CCNB3: variants seen among roughly 807,000 people sequenced by gnomAD.
CCNB3 encodes the protein cyclin B3, also known as G2/mitotic-specific cyclin-B3.
Under a neutral mutation model 68.0 loss-of-function variants are expected in CCNB3, and 12 were observed. That is an observed-to-expected ratio of 0.18 (90% CI 0.11 to 0.29). The LOEUF (loss-of-function observed/expected upper bound fraction) is 0.29, where lower values mean the gene tolerates loss of function less well. CCNB3 is among the 10% of genes least tolerant of loss of function. The probability of loss-of-function intolerance (pLI) is 1.00; values close to 1 mark genes in which losing one functional copy is unlikely to be tolerated. For missense variants in CCNB3, 904 were observed against 993.1 expected (o/e 0.91, Z 1.21); for synonymous variants, 354 against 388.9 (o/e 0.91, Z 1.06).
intron 8 of CCNB3, among the ~76,000 whole-genome samples, chrX:50,332,477 T>TA (rs1922645113): frequency 8.9e-6 from 1 of 111,993 alleles, no homozygotes; most frequent in African/African-American, 3.2e-5. Context: ...TGGAGGTTTT[T>TA]ACTATACAAG....
intron 8 of CCNB3, among the ~76,000 whole-genome samples, chrX:50,329,359 A>C (rs1457258853): frequency 8.9e-6 from 1 of 112,598 alleles, no homozygotes; most frequent in African/African-American, 3.2e-5. Flanking sequence ...TTTTCCATAC[A>C]TCCTCTGAAA....
chrX:50,327,256 T>C (rs1014642668), intron 8 of CCNB3, among the ~76,000 whole-genome samples: 1 of 112,048 alleles, frequency 8.9e-6, no homozygotes, highest in Admixed American at 9.5e-5. Flanking sequence ...GGAAGTCAAG[T>C]TATTTGTTCT....
Position 50,285,247 on chromosome X carries a change from C to T in CCNB3, c.84C>T (p.Asp28=). Residue 28 remains aspartate (D), a synonymous_variant, in exon 3 of 13, where the codon GAC becomes GAT. Transcript: ENST00000376042. ...GCAAAATTGTGCCCAGTCATCATGACCCATCTGAAAAGGTTAGAGCAAGCT... is the reference window on the plus strand; with the variant it reads ...GCAAAATTGTGCCCAGTCATCATGATCCATCTGAAAAGGTTAGAGCAAGCT... ...QSSKIVPSHH[D]PSEKTGENCQ... 8.3e-7 allele frequency: 1 copy of T among 1,204,810 alleles called. No homozygotes were observed. Among genetic ancestry groups the T allele is most frequent in the Non-Finnish European group, 1.1e-6 (1 of 889,352 alleles).
chrX:50,311,570 GTTTTT>G, intron 6 of CCNB3, 74 bp downstream of exon 6: 2 of 601,862 alleles, frequency 3.3e-6, no homozygotes, highest in African/African-American at 5.1e-5. Flanking sequence ...TAGCAAAGTT[GTTTTT>G]TTTTTTTTGT....
intron 1 of CCNB3, among the ~76,000 whole-genome samples, chrX:50,226,200 G>GAATATATATATTTATATATATA (rs1935770640): frequency 1.8e-5 from 1 of 56,707 alleles, no homozygotes; most frequent in Admixed American, 3.1e-4. Context: ...AATATATATA[G>GAATATATATATTTATATATATA]AATATATATA....
At chrX:50,344,348 A>G (rs1923291168) in intron 9 of CCNB3, among the ~76,000 whole-genome samples, 1 of 112,710 alleles carries the variant, frequency 8.9e-6, no homozygotes, top group South Asian at 3.6e-4. Flanking sequence ...ATTTGTACAT[A>G]TATACACATG....
At chrX:50,318,704 T>C (rs1921868376) in intron 8 of CCNB3, among the ~76,000 whole-genome samples, 1 of 112,023 alleles carries the variant, frequency 8.9e-6, no homozygotes, top group African/African-American at 3.2e-5. Context: ...TAGAAAGGTC[T>C]GTTTGCAAGG....
chrX:50,281,874 C>T (rs1007997600), intron 1 of CCNB3, among the ~76,000 whole-genome samples: 7 of 111,064 alleles, frequency 6.3e-5, no homozygotes, highest in African/African-American at 2.3e-4. Flanking sequence ...AGGATGGACA[C>T]GTGTCCTCAC....
At chrX:50,204,360 G>C (rs782264045), upstream of CCNB3, 3 of 110,547 alleles carry the variant, frequency 2.7e-5, no homozygotes, top group Non-Finnish European at 5.7e-5. Context: ...CTGGTACTGT[G>C]TATTACATGC....
intron 1 of CCNB3, among the ~76,000 whole-genome samples, chrX:50,279,815 TG>T (rs1390662554): frequency 2.3e-5 from 2 of 88,568 alleles, no homozygotes; most frequent in South Asian, 4.9e-4. Context: ...AGAATATATA[TG>T]GTATTTATAT....
chrX:50,228,001 GA>G (rs1412739468), intron 1 of CCNB3, among the ~76,000 whole-genome samples: 3 of 82,779 alleles, frequency 3.6e-5, no homozygotes, highest in African/African-American at 1.4e-4. Context: ...TATATATAGA[GA>G]ATATATATAA....
chrX:50,293,864 A>G lies in CCNB3; in HGVS notation c.205-999A>G, dbSNP rs782326028. 3.6e-5 allele frequency among the ~76,000 whole-genome samples: 4 copies of G among 111,793 alleles called. No homozygotes were observed. In the South Asian group the frequency reaches 1.5e-3, roughly 41 times the overall value. Reference sequence around the variant, plus strand: ...TATTTCTGGTCTTTTATTCTGCTTTATTTTTTCCTTTAATGTAGTTATGGT... The same window carrying G: ...TATTTCTGGTCTTTTATTCTGCTTTGTTTTTTCCTTTAATGTAGTTATGGT... On this transcript the variant is annotated intron_variant, in intron 4 of 12. Transcript: ENST00000376042.
chrX:50,321,862 G>A (rs57900812), intron 8 of CCNB3, among the ~76,000 whole-genome samples: 12,709 of 110,455 alleles, frequency 0.12, 1,784 homozygotes, highest in African/African-American at 0.4. Context: ...ACTTTATAAT[G>A]TCGAACTTAC....
intron 8 of CCNB3, among the ~76,000 whole-genome samples, chrX:50,335,414 A>C (rs1310381457): frequency 1.8e-5 from 2 of 112,228 alleles, no homozygotes; most frequent in Admixed American, 1.9e-4. Flanking sequence ...TGGTTGACCA[A>C]GCACAAGTCC....
At chrX:50,323,604 A>G (rs964160630) in intron 8 of CCNB3, among the ~76,000 whole-genome samples, 8 of 112,369 alleles carry the variant, frequency 7.1e-5, no homozygotes, top group African/African-American at 2.6e-4. Context: ...GAAACAGTTG[A>G]TTTTTTAATG....
chrX:50,279,963 T>A (rs1936084699), intron 1 of CCNB3, among the ~76,000 whole-genome samples: 1 of 83,343 alleles, frequency 1.2e-5, no homozygotes, highest in African/African-American at 4.7e-5. Flanking sequence ...AATATATGAG[T>A]ATATATATAA....
intron 8 of CCNB3, among the ~76,000 whole-genome samples, chrX:50,340,380 G>A (rs1557219394): frequency 8.9e-6 from 1 of 112,572 alleles, no homozygotes; most frequent in East Asian, 2.8e-4. Flanking sequence ...AGATGTTAAA[G>A]AGAACATTCA....
chrX:50,310,053 T>G lies in CCNB3; in HGVS notation c.1884T>G (p.Ser628=). The change falls in exon 6 of 13, where the codon TCT becomes TCG. Residue 628 remains serine, a synonymous_variant. Transcript: ENST00000376042. ...AGCTGTTGCCCTTTAAGATGAAATC[T>G]ACAACGGAAGAAAAGTTCCTCTCCC... is the stretch of plus-strand genomic sequence containing the variant. The part of the protein sequence containing the change: ...YKKLLPFKMK[S]TTEEKFLSQE... 8.3e-7 allele frequency: 1 copy of G among 1,209,429 alleles called. No homozygotes were observed. Among genetic ancestry groups the G allele is most frequent in the Non-Finnish European group, 1.1e-6 (1 of 893,916 alleles).
At chrX:50,301,631 T>G (rs1355577577) in intron 5 of CCNB3, among the ~76,000 whole-genome samples, 1 of 112,294 alleles carries the variant, frequency 8.9e-6, no homozygotes, top group Non-Finnish European at 1.9e-5. Flanking sequence ...TCAAGCTGCG[T>G]GCTGGGAGAA....
Sources: gnomAD v4.1 joint callset for allele counts (sites outside exome capture counted in the v4.1 genomes callset) on GRCh38, gnomAD v4.1.1 for gene constraint, MANE v1.5 for transcripts, NCBI Gene and HGNC (gene_info 2026-07-23, HGNC 2026-07-21) for gene names.